Variants in CA10 observed in about 807,000 individuals in gnomAD.
CA10 encodes the protein carbonic anhydrase 10 (inactive).
A neutral mutation model predicts 44.2 loss-of-function variants in CA10; 14 were observed. The ratio of observed to expected loss-of-function variants is 0.32; its 90% CI spans 0.21 to 0.50. The LOEUF is 0.50. Among genes scored for constraint, CA10 ranks in the 20% least tolerant of loss-of-function variants. CA10 has a pLI of 0.99. For synonymous variants in CA10, 159 were observed against 141.6 expected (o/e 1.12, Z -0.87); for missense variants, 350 against 409.7 (o/e 0.85, Z 1.26).
At chr17:51,648,417 C>A (rs923780957) in intron 6 of CA10, among the ~76,000 whole-genome samples, 5 of 152,200 alleles carry the variant, frequency 3.3e-5, no homozygotes, top group Non-Finnish European at 5.9e-5. Flanking sequence ...AGTGAGGAAA[C>A]TCCTTGATGA....
At chr17:51,637,745 G>A (rs188340425) in intron 6 of CA10, among the ~76,000 whole-genome samples, 2 of 152,180 alleles carry the variant, frequency 1.3e-5, no homozygotes, top group Admixed American at 1.3e-4. Context: ...AAAGTGGGCT[G>A]CCCAAGGTCA....
chr17:52,015,321 G>T (rs1985933766), intron 2 of CA10, among the ~76,000 whole-genome samples: 1 of 152,114 alleles, frequency 6.6e-6, no homozygotes, highest in African/African-American at 2.4e-5. Flanking sequence ...GATGTAAGTT[G>T]CATGGATGTT....
At chr17:51,743,750 C>A (rs1904557821) in intron 4 of CA10, among the ~76,000 whole-genome samples, 1 of 152,186 alleles carries the variant, frequency 6.6e-6, no homozygotes, top group South Asian at 2.1e-4. Flanking sequence ...TCACTGTCAA[C>A]AAAATAAACA....
At chr17:51,752,022 A>G (rs1466203250) in intron 3 of CA10, among the ~76,000 whole-genome samples, 2 of 152,154 alleles carry the variant, frequency 1.3e-5, no homozygotes, top group African/African-American at 2.4e-5. Flanking sequence ...ATGGGGGCAC[A>G]AAGTTATGGG....
At chr17:51,671,693 C>A (rs1009400712) in intron 4 of CA10, among the ~76,000 whole-genome samples, 1 of 152,166 alleles carries the variant, frequency 6.6e-6, no homozygotes, top group Non-Finnish European at 1.5e-5. Context: ...CATGAGCCAC[C>A]ACGCCCGGCC....
chr17:51,956,279 T>G (rs549287002), intron 2 of CA10, among the ~76,000 whole-genome samples: 1 of 152,286 alleles, frequency 6.6e-6, no homozygotes, highest in African/African-American at 2.4e-5. Context: ...ACTCTCCTGA[T>G]TTGGCATTTA....
rs115679140 is a variant in CA10, at chr17:51,675,956, A to T, written c.466-22220T>A. 8.1e-3 allele frequency among the ~76,000 whole-genome samples: 1,229 copies of T among 152,294 alleles called. 17 individuals are homozygous for T. The highest frequency in any genetic ancestry group is 0.026 in the African/African-American group (1,075 of 41,574). On this transcript the variant is annotated intron_variant, in intron 4 of 8. Transcript: ENST00000451037. Reference sequence around the variant, plus strand: ...CTGCTTTTGAGAAGGATCTACACATATCTTGTAGGGACATGAAGCACCGTG... The same window carrying T: ...CTGCTTTTGAGAAGGATCTACACATTTCTTGTAGGGACATGAAGCACCGTG...
intron 3 of CA10, among the ~76,000 whole-genome samples, chr17:51,913,024 T>A (rs1227398841): frequency 6.6e-6 from 1 of 152,186 alleles, no homozygotes; most frequent in Non-Finnish European, 1.5e-5. Flanking sequence ...CCACTCTTTA[T>A]AGCTGGGGAA....
chr17:51,789,984 C>G (rs1175552138), intron 3 of CA10, among the ~76,000 whole-genome samples: 1 of 152,144 alleles, frequency 6.6e-6, no homozygotes, highest in Non-Finnish European at 1.5e-5. Flanking sequence ...TCCCGGGAGT[C>G]CACAGGTTGT....
intron 1 of CA10, among the ~76,000 whole-genome samples, chr17:52,102,651 T>C (rs1988566974): frequency 6.6e-6 from 1 of 152,228 alleles, no homozygotes; most frequent in Admixed American, 6.5e-5. Context: ...CTTGCTTCTG[T>C]GTTCACTATA....
intron 2 of CA10, among the ~76,000 whole-genome samples, chr17:51,988,669 C>T (rs75651670): frequency 0.021 from 3,121 of 151,576 alleles, 106 homozygotes; most frequent in African/African-American, 0.071. Context: ...TTATTTTTAC[C>T]TTTCTACTAG....
At chr17:51,855,817 C>T (rs1979014758) in intron 3 of CA10, among the ~76,000 whole-genome samples, 1 of 152,146 alleles carries the variant, frequency 6.6e-6, no homozygotes, top group Non-Finnish European at 1.5e-5. Flanking sequence ...AAAATTTGAA[C>T]TACACAAGTA....
intron 3 of CA10, among the ~76,000 whole-genome samples, chr17:51,785,500 TC>T (rs1334233117): frequency 6.6e-6 from 1 of 152,100 alleles, no homozygotes; most frequent in Non-Finnish European, 1.5e-5. Context: ...ATTGCTTATA[TC>T]CAAAATACAG....
At chr17:51,752,993 C>T (rs1009354155) in intron 3 of CA10, among the ~76,000 whole-genome samples, 1 of 152,078 alleles carries the variant, frequency 6.6e-6, no homozygotes, top group Non-Finnish European at 1.5e-5. Flanking sequence ...ATTTCTTCTC[C>T]AGTCTCTATT....
rs778029628 is a variant in CA10, at chr17:52,076,507, T to C, written c.62-4114A>G. On this transcript the variant is annotated intron_variant, in intron 1 of 8. Coordinates refer to ENST00000451037, the MANE Select transcript of CA10 (RefSeq NM_020178.5). ...GCATTGTGAAGAACCAAATTCACCC[T>C]CCAAAAATCAATCAGCTGGAAGAGC... Among the ~76,000 whole-genome samples, 39 of 152,176 alleles carry C rather than the reference T, an allele frequency of 2.6e-4. 1 individual carries two copies. The highest frequency in any genetic ancestry group is 3.3e-4 in the Admixed American group (5 of 15,276).
intron 3 of CA10, chr17:51,748,392 C>T (rs1227876446): frequency 2.5e-6 from 2 of 797,030 alleles, no homozygotes; most frequent in Non-Finnish European, 3.0e-6. Context: ...AAGGGATTCA[C>T]TCAAACTTCC....
chr17:51,752,955 G>A (rs937649825), intron 3 of CA10, among the ~76,000 whole-genome samples: 1 of 151,994 alleles, frequency 6.6e-6, no homozygotes, highest in East Asian at 1.9e-4. Context: ...TAAAAAACAA[G>A]TAAATAAAAA....
intron 2 of CA10, among the ~76,000 whole-genome samples, chr17:51,987,844 C>CAAAT: frequency 6.7e-6 from 1 of 149,332 alleles, no homozygotes; most frequent in African/African-American, 2.4e-5. Flanking sequence ...CATCAGCAGA[C>CAAAT]TTGCCATGCA....
At chr17:51,995,268 C>G (rs571973393) in intron 2 of CA10, among the ~76,000 whole-genome samples, 1 of 151,882 alleles carries the variant, frequency 6.6e-6, no homozygotes, top group Non-Finnish European at 1.5e-5. Context: ...AAACCCAACA[C>G]CCAGCATTTG....
Sources: allele counts gnomAD v4.1 joint callset (sites outside exome capture counted in the v4.1 genomes callset), GRCh38; gene constraint gnomAD v4.1.1; transcripts MANE v1.5; gene names NCBI Gene and HGNC (gene_info 2026-07-23, HGNC 2026-07-21).